The following CNKSR2 variants were observed in gnomAD, a reference collection of about 807,000 sequenced individuals.
The protein encoded by CNKSR2 is connector enhancer of kinase suppressor of Ras 2.
In CNKSR2, 14 loss-of-function variants were observed where a neutral mutation model predicts 84.4. The observed-to-expected ratio is 0.17, with a 90% CI of 0.11 to 0.26. The LOEUF (loss-of-function observed/expected upper bound fraction) is 0.26, where lower values mean the gene tolerates loss of function less well. CNKSR2 is among the 10% of genes least tolerant of loss of function. The pLI, the probability that CNKSR2 is intolerant of heterozygous loss-of-function variation, is 1.00. For missense variants in CNKSR2, 485 were observed against 771.2 expected, an observed-to-expected ratio of 0.63 and a Z score of 4.40; for synonymous variants, 275 against 277.9, an observed-to-expected ratio of 0.99 and a Z score of 0.10.
At position 21,627,123 on chromosome X, in the gene CNKSR2, G is replaced by A. The variant is rs954059283; in HGVS notation, c.2692+17506G>A. ...CAACTCTTCAATATGACTCTTTTAC[G>A]TTTGCATCTTGAAGAAAAAACTTTG... On this transcript the variant is annotated intron_variant, in intron 20 of 21. Transcript: ENST00000379510. Among the ~76,000 whole-genome samples, 5 of 111,609 alleles carry A rather than the reference G, an allele frequency of 4.5e-5. No homozygotes were observed. In the East Asian group the frequency reaches 8.4e-4, roughly 19 times the overall value.
intron 1 of CNKSR2, among the ~76,000 whole-genome samples, chrX:21,392,055 G>A (rs2090058197): frequency 8.9e-6 from 1 of 111,833 alleles, no homozygotes; most frequent in Non-Finnish European, 1.9e-5. Flanking sequence ...CTTTACTGCA[G>A]TTCCCAATAA....
chrX:21,522,972 G>T (rs1441601961), intron 9 of CNKSR2, among the ~76,000 whole-genome samples: 1 of 110,811 alleles, frequency 9.0e-6, no homozygotes, highest in Non-Finnish European at 1.9e-5. Context: ...ACAGTAGTAC[G>T]TTATCACCAA....
chrX:21,524,464 A>G (rs1025427010), intron 9 of CNKSR2, among the ~76,000 whole-genome samples: 3 of 111,143 alleles, frequency 2.7e-5, no homozygotes, highest in Non-Finnish European at 5.7e-5. Context: ...TGCTAAAAAT[A>G]GAAACCTAGA....
intron 9 of CNKSR2, among the ~76,000 whole-genome samples, chrX:21,522,313 G>A (rs151201742): frequency 6.8e-4 from 75 of 110,819 alleles, no homozygotes; most frequent in Non-Finnish European, 1.3e-3. Context: ...GTATTTCAGT[G>A]GGTATTTCCC....
At chrX:21,595,105 T>C in intron 16 of CNKSR2, 58 bp downstream of exon 16, 1 of 943,600 alleles carries the variant, frequency 1.1e-6, no homozygotes, top group South Asian at 2.1e-5. Flanking sequence ...ATTTCCAGCT[T>C]TTAAATTATA....
chrX:21,567,851 A>G (rs1233312632), intron 13 of CNKSR2, among the ~76,000 whole-genome samples: 1 of 106,143 alleles, frequency 9.4e-6, no homozygotes, highest in Non-Finnish European at 1.9e-5. Context: ...TAAAATTCAG[A>G]TGTGGTAAGA....
intron 4 of CNKSR2, among the ~76,000 whole-genome samples, chrX:21,451,315 A>T (rs1601806812): frequency 9.0e-6 from 1 of 111,556 alleles, no homozygotes; most frequent in African/African-American, 3.3e-5. Context: ...CTAGAACTAG[A>T]AATACCATTT....
At chrX:21,440,442 G>T (rs779757455) in intron 3 of CNKSR2, among the ~76,000 whole-genome samples, 4 of 111,294 alleles carry the variant, frequency 3.6e-5, no homozygotes, top group African/African-American at 9.7e-5. Context: ...AAGAACCAAA[G>T]AACTTAAATA....
intron 20 of CNKSR2, among the ~76,000 whole-genome samples, chrX:21,610,929 G>T (rs1260778627): frequency 8.9e-6 from 1 of 111,805 alleles, no homozygotes; most frequent in Non-Finnish European, 1.9e-5. Context: ...CAAAATATAA[G>T]AATTGCTTGT....
chrX:21,600,411 A>C (rs1423910580), intron 17 of CNKSR2, among the ~76,000 whole-genome samples: 1 of 112,437 alleles, frequency 8.9e-6, no homozygotes, highest in Non-Finnish European at 1.9e-5. Context: ...GCTAGCTTGA[A>C]ATGTAGGTTT....
At chrX:21,503,788 A>G (rs2091583432) in intron 8 of CNKSR2, 1 of 111,183 alleles carries the variant, frequency 9.0e-6, no homozygotes, top group African/African-American at 3.3e-5. Context: ...CTTTACTGCC[A>G]CTTCCTCACT....
At chrX:21,486,626 T>C (rs2091387735) in intron 5 of CNKSR2, among the ~76,000 whole-genome samples, 2 of 112,093 alleles carry the variant, frequency 1.8e-5, no homozygotes, top group Non-Finnish European at 3.8e-5. Flanking sequence ...TATTTAGCAT[T>C]GTGCCAGACA....
intron 20 of CNKSR2, among the ~76,000 whole-genome samples, chrX:21,625,387 A>G (rs2092618809): frequency 8.9e-6 from 1 of 112,239 alleles, no homozygotes; most frequent in Admixed American, 9.5e-5. Flanking sequence ...ATAGCAATAA[A>G]GCTGTATCAA....
chrX:21,515,680 T>C (rs1295738975), intron 8 of CNKSR2, among the ~76,000 whole-genome samples: 1 of 111,922 alleles, frequency 8.9e-6, no homozygotes, highest in Non-Finnish European at 1.9e-5. Context: ...AATTATTCTA[T>C]GTTCAGAATT....
chrX:21,499,275 G>T (rs1478213421), intron 7 of CNKSR2, among the ~76,000 whole-genome samples: 3 of 111,783 alleles, frequency 2.7e-5, no homozygotes, highest in African/African-American at 9.7e-5. Context: ...TTTCAGGCAT[G>T]GTGCTAGGTA....
intron 20 of CNKSR2, among the ~76,000 whole-genome samples, chrX:21,623,029 A>G (rs934014246): frequency 1.6e-4 from 18 of 110,821 alleles, no homozygotes; most frequent in African/African-American, 5.9e-4. Context: ...GAGTATTGGA[A>G]CCCTACAGAC....
At chrX:21,440,947 G>A in intron 4 of CNKSR2, 166 bp downstream of exon 4, 1 of 337,352 alleles carries the variant, frequency 3.0e-6, no homozygotes, top group South Asian at 7.8e-5. Flanking sequence ...GGGAGACTGT[G>A]CATTTAGCTC....
chrX:21,586,904 G>A lies in CNKSR2; in HGVS notation c.1609-3668G>A, dbSNP rs148623030. The stretch of plus-strand genomic sequence containing the variant: ...TACAGAACATGAAGGACACATGGAA[G>A]ATAAATTGAGAGGTACCAACATATG... On this transcript the variant is annotated intron_variant, in intron 13 of 21. Transcript: ENST00000379510. Among the ~76,000 whole-genome samples the A allele has an allele frequency of 6.8e-4, 76 of 111,920 alleles. 2 individuals are homozygous for A. In the East Asian group the frequency reaches 0.019, roughly 27 times the overall value.
chrX:21,408,301 T>C (rs2147002489), intron 1 of CNKSR2, among the ~76,000 whole-genome samples: 1 of 112,090 alleles, frequency 8.9e-6, no homozygotes, highest in East Asian at 2.8e-4. Context: ...TGTTGGTTTC[T>C]TTCACAGGTT....
Sources: allele counts gnomAD v4.1 joint callset (sites outside exome capture counted in the v4.1 genomes callset), GRCh38; gene constraint gnomAD v4.1.1; transcripts MANE v1.5; gene names NCBI Gene and HGNC (gene_info 2026-07-23, HGNC 2026-07-21).